The following KDM4C variants were observed in gnomAD, a reference collection of about 807,000 sequenced individuals.
KDM4C encodes the protein lysine demethylase 4C.
KDM4C carries 81 observed loss-of-function variants against 129.3 expected under a neutral mutation model. The ratio of observed to expected loss-of-function variants is 0.63; its 90% CI spans 0.52 to 0.75. The LOEUF is 0.75. Among genes scored for constraint, KDM4C ranks in the 30% least tolerant of loss-of-function variants. KDM4C has a pLI of 0.00. For synonymous variants in KDM4C, 573 were observed against 456.1 expected, an observed-to-expected ratio of 1.26 and a Z score of -3.26; for missense variants, 1,457 against 1,304.0, an observed-to-expected ratio of 1.12 and a Z score of -1.81.
chr9:7,075,951 T>C (rs919235014), intron 17 of KDM4C, among the ~76,000 whole-genome samples: 1 of 152,182 alleles, frequency 6.6e-6, no homozygotes, highest in Admixed American at 6.5e-5. Context: ...ATTCTCAAAG[T>C]AGGTCAACCC....
intron 1 of KDM4C, among the ~76,000 whole-genome samples, chr9:6,745,051 G>T (rs1379902276): frequency 6.6e-6 from 1 of 152,076 alleles, no homozygotes; most frequent in East Asian, 1.9e-4. Context: ...GGTCTCCCCA[G>T]ACCTTGGGTG....
At chr9:7,137,126 C>T (rs1381059887) in intron 19 of KDM4C, among the ~76,000 whole-genome samples, 2 of 152,146 alleles carry the variant, frequency 1.3e-5, no homozygotes, top group Non-Finnish European at 2.9e-5. Context: ...TATTTCACTG[C>T]CATGAGAGTG....
chr9:6,905,354 T>A (rs1263871031), intron 8 of KDM4C, among the ~76,000 whole-genome samples: 1 of 152,168 alleles, frequency 6.6e-6, no homozygotes, highest in Non-Finnish European at 1.5e-5. Flanking sequence ...TAATTTCCCC[T>A]CAAACTGACT....
chr9:7,035,565 C>G (rs1280354757), intron 15 of KDM4C, among the ~76,000 whole-genome samples: 1 of 151,832 alleles, frequency 6.6e-6, no homozygotes, highest in Non-Finnish European at 1.5e-5. Context: ...TTTCCCAGAC[C>G]AATGTCCTGA....
intron 1 of KDM4C, among the ~76,000 whole-genome samples, chr9:6,778,159 G>T (rs929167861): frequency 2.7e-5 from 4 of 150,012 alleles, no homozygotes; most frequent in African/African-American, 7.4e-5. Flanking sequence ...GCATGATCTC[G>T]TCTTACTGCA....
At chr9:7,163,729 C>T (rs187093621) in intron 19 of KDM4C, among the ~76,000 whole-genome samples, 2 of 152,244 alleles carry the variant, frequency 1.3e-5, no homozygotes, top group East Asian at 1.9e-4. Context: ...GTGATAACCC[C>T]ATGGGAATAC....
intron 17 of KDM4C, among the ~76,000 whole-genome samples, chr9:7,056,830 C>T (rs74608487): frequency 0.018 from 2,762 of 152,218 alleles, 81 homozygotes; most frequent in African/African-American, 0.063. Context: ...GTAGTGATTA[C>T]TGACAGATCT....
chr9:6,764,877 A>G (rs1366101064), intron 1 of KDM4C, among the ~76,000 whole-genome samples: 1 of 152,102 alleles, frequency 6.6e-6, no homozygotes, highest in Non-Finnish European at 1.5e-5. Context: ...CTTTCCTCTC[A>G]GCTCTGCTTC....
At chr9:7,035,275 AAGTGCT>A (rs1250432036) in intron 15 of KDM4C, among the ~76,000 whole-genome samples, 1 of 141,756 alleles carries the variant, frequency 7.1e-6, no homozygotes, top group Non-Finnish European at 1.6e-5. Context: ...TGGCCTCTCA[AAGTGCT>A]AGGATTATAG....
At chr9:7,044,419 C>T (rs1314248218) in intron 15 of KDM4C, among the ~76,000 whole-genome samples, 1 of 151,800 alleles carries the variant, frequency 6.6e-6, no homozygotes, top group African/African-American at 2.4e-5. Context: ...TCATGGGGTT[C>T]AGAGTAGCTC....
intron 1 of KDM4C, among the ~76,000 whole-genome samples, chr9:6,763,789 C>G (rs1563951155): frequency 6.6e-6 from 1 of 152,280 alleles, no homozygotes; most frequent in Non-Finnish European, 1.5e-5. Context: ...TAGAGTTTCG[C>G]TCTTGTTGCC....
chr9:6,903,096 T>TA (rs576109998), intron 8 of KDM4C, among the ~76,000 whole-genome samples: 241 of 152,274 alleles, frequency 1.6e-3, no homozygotes, highest in African/African-American at 4.6e-3. Flanking sequence ...TTGATTCGAT[T>TA]AAAAAAACCC....
intron 8 of KDM4C, among the ~76,000 whole-genome samples, chr9:6,920,414 T>G (rs760159812): frequency 2.0e-5 from 3 of 152,104 alleles, no homozygotes; most frequent in Non-Finnish European, 4.4e-5. Flanking sequence ...TACAAAAAAA[T>G]TAGCTGGGCT....
At chr9:7,168,770 A>T (rs755999952) in intron 20 of KDM4C, among the ~76,000 whole-genome samples, 18 of 152,214 alleles carry the variant, frequency 1.2e-4, no homozygotes, top group Non-Finnish European at 2.2e-4. Flanking sequence ...GGATTATTAT[A>T]TAAGAGTAAA....
intron 8 of KDM4C, among the ~76,000 whole-genome samples, chr9:6,933,904 C>T (rs117169647): frequency 0.26 from 38,767 of 151,364 alleles, 5,382 homozygotes; most frequent in South Asian, 0.4. Context: ...GGCTGAAGTG[C>T]AGCGGTGTGA....
In KDM4C at chr9:6,799,687, C is replaced by T. The variant is rs1188051662; in HGVS notation, c.145-5912C>T. Among the ~76,000 whole-genome samples the T allele has an allele frequency of 2.7e-5, 4 of 145,710 alleles. No homozygotes were observed. The East Asian group carries it at 6.0e-4, about 22-fold the overall frequency. Reference sequence around the variant, plus strand: ...CAAAACAGAAAAACATTTAATTCTACACATAATATTAATTTTGATTGTGGA... The same window carrying T: ...CAAAACAGAAAAACATTTAATTCTATACATAATATTAATTTTGATTGTGGA... On this transcript the variant is annotated intron_variant, in intron 2 of 21. Coordinates refer to ENST00000381309, the MANE Select transcript of KDM4C (RefSeq NM_015061.6).
intron 3 of KDM4C, among the ~76,000 whole-genome samples, chr9:6,809,688 A>T (rs148320317): frequency 0.01 from 1,527 of 152,334 alleles, 103 homozygotes; most frequent in Admixed American, 0.091. Flanking sequence ...TACAAAAGTA[A>T]TATGTGCTTA....
In KDM4C at chr9:6,758,262, C is replaced by G. The variant is rs1404591903; in HGVS notation, c.-18+59C>G. 6.4e-6 allele frequency: 6 copies of G among 940,876 alleles called. No individual in the cohort carries two copies. Among genetic ancestry groups the G allele is most frequent in the Non-Finnish European group, 7.6e-6 (6 of 789,664 alleles). The allele number at this position is 940,876 out of a possible 1,614,324, so 58.3% of individuals were successfully genotyped here. A position where few individuals can be genotyped will look rare whatever the true frequency, so the allele number is the denominator to read the frequency against. On this transcript the variant is annotated intron_variant, in intron 1 of 21. Transcript: ENST00000381309. This position sits in a 1 kb window ranked among gnomAD's most constrained non-coding sequence, Gnocchi z 4.6. ...GGGGGGAGGGTCCGGAGAGGTCTTC[C>G]CGGCACTGCCCCCCTCCGCGTGGGG...
At chr9:6,855,186 C>T (rs1037997313) in intron 5 of KDM4C, among the ~76,000 whole-genome samples, 3 of 152,066 alleles carry the variant, frequency 2.0e-5, no homozygotes, top group East Asian at 1.9e-4. Context: ...GACAGCCAGG[C>T]GCTGAGGCTC....
Sources: gnomAD v4.1 joint callset for allele counts (sites outside exome capture counted in the v4.1 genomes callset) on GRCh38, gnomAD v4.1.1 for gene constraint, Gnocchi (gnomAD v3.1) non-coding constraint, MANE v1.5 for transcripts, NCBI Gene and HGNC (gene_info 2026-07-23, HGNC 2026-07-21) for gene names.